Variants in BCAR3 observed in about 807,000 individuals in gnomAD.
The protein encoded by BCAR3 is breast cancer anti-estrogen resistance protein 3.
In BCAR3, 37 loss-of-function variants were observed where a neutral mutation model predicts 80.1. The ratio of observed to expected loss-of-function variants is 0.46; its 90% confidence interval spans 0.36 to 0.61. The LOEUF (loss-of-function observed/expected upper bound fraction) is 0.61, where lower values mean the gene tolerates loss of function less well. Ranked by LOEUF, BCAR3 falls within the 20% of genes least tolerant of loss-of-function variation. The pLI is 0.00. For missense variants in BCAR3, 978 were observed against 1,068.2 expected (o/e 0.92, Z 1.18); for synonymous variants, 389 against 418.9 (o/e 0.93, Z 0.87).
chr1:93,611,426 T>A (rs909185959), intron 3 of BCAR3, among the ~76,000 whole-genome samples: 13 of 152,310 alleles, frequency 8.5e-5, no homozygotes, highest in African/African-American at 2.9e-4. Flanking sequence ...CCATTACAAG[T>A]TTCTTTCCAC....
At chr1:93,718,866 T>C (rs906796649) in intron 2 of BCAR3, among the ~76,000 whole-genome samples, 5 of 151,348 alleles carry the variant, frequency 3.3e-5, no homozygotes, top group African/African-American at 1.2e-4. Context: ...CAGCTAATTT[T>C]TGTATTTTTT....
At chr1:93,584,400 T>G (rs1212895322) in intron 5 of BCAR3, among the ~76,000 whole-genome samples, 2 of 152,172 alleles carry the variant, frequency 1.3e-5, no homozygotes, top group Non-Finnish European at 2.9e-5. Context: ...TCCATCCTGT[T>G]GAACAGAGTA....
chr1:93,694,117 C>A (rs771033554), intron 3 of BCAR3, among the ~76,000 whole-genome samples: 1 of 152,198 alleles, frequency 6.6e-6, no homozygotes, highest in Non-Finnish European at 1.5e-5. Context: ...CTAAAGCCCA[C>A]GTCATTCCCT....
Position 93,817,393 on chromosome 1 carries a change from G to A in BCAR3, c.-63+28174C>T, listed in dbSNP as rs60278482. Among the ~76,000 whole-genome samples, 119 of 152,292 alleles carry A rather than the reference G, an allele frequency of 7.8e-4. 1 individual carries two copies. The highest frequency in any genetic ancestry group is 2.8e-3 in the African/African-American group (117 of 41,572). ...TGGTTTTTGAAAGCTACCATTTATT[G>A]AGCACTGTGCTAAGTATTTTACATG... On this transcript the variant is annotated intron_variant, in intron 2 of 13. Coordinates refer to the BCAR3 transcript ENST00000370244.
chr1:93,576,047 T>C lies in BCAR3; in HGVS notation c.1769A>G (p.His590Arg). ...SSGLELITLP[H>R]GHQLRLDIIE... ...TATGTCCAGGCGCAGCTGGTGTCCG[T>C]GAGGCAAGGTAATGAGTTCCAGGCC... is the stretch of plus-strand genomic sequence containing the variant. Residue 590 changes from histidine (H) to arginine (R), a missense_variant, in exon 8 of 12, where the codon CAC (histidine) becomes CGC (arginine). Transcript: ENST00000260502. 6.2e-7 allele frequency: 1 copy of C among 1,614,136 alleles called. No homozygotes were observed. Among genetic ancestry groups the C allele is most frequent in the Non-Finnish European group, 8.5e-7 (1 of 1,180,016 alleles).
At chr1:93,764,468 C>G (rs1269461754) in intron 2 of BCAR3, among the ~76,000 whole-genome samples, 1 of 152,120 alleles carries the variant, frequency 6.6e-6, no homozygotes, top group Non-Finnish European at 1.5e-5. Context: ...CCACCCCAGC[C>G]CAGGCACCAA....
In BCAR3 at chr1:93,592,721, C is replaced by T. The variant is rs1023817244; in HGVS notation, c.358-328G>A. Among the ~76,000 whole-genome samples the T allele has an allele frequency of 2.6e-5, 4 of 152,152 alleles. No individual in the cohort carries two copies. The highest frequency in any genetic ancestry group is 7.2e-5 in the African/African-American group (3 of 41,422). ...GCAGCCCAGCCTGCTCTCTTCCCAG[C>T]GGAGAGCTTCCTCATTCTCCTTCAG... On this transcript the variant is annotated intron_variant, in intron 3 of 11. Coordinates refer to ENST00000260502, the MANE Select transcript of BCAR3 (RefSeq NM_003567.4). This position sits in a 1 kb window ranked among gnomAD's most constrained non-coding sequence, Gnocchi z 4.8.
chr1:93,786,219 A>AAAAAAAAAAT (rs1557688155), intron 2 of BCAR3, among the ~76,000 whole-genome samples: 3 of 148,780 alleles, frequency 2.0e-5, no homozygotes, highest in Admixed American at 6.7e-5. Flanking sequence ...AAAAAAAAAA[A>AAAAAAAAAAT]GTGCCATGCA....
At chr1:93,605,476 C>T (rs1031714771) in intron 3 of BCAR3, 4 of 152,194 alleles carry the variant, frequency 2.6e-5, no homozygotes, top group African/African-American at 9.7e-5. Context: ...CAAGATTACA[C>T]TCAGTAATAG....
At chr1:93,593,655 G>T (rs531580541) in intron 3 of BCAR3, among the ~76,000 whole-genome samples, 1 of 151,978 alleles carries the variant, frequency 6.6e-6, no homozygotes, top group Non-Finnish European at 1.5e-5. Flanking sequence ...GATTACAGGC[G>T]TGAGCCACCA....
At chr1:93,823,606 G>A (rs917790972) in intron 2 of BCAR3, among the ~76,000 whole-genome samples, 3 of 135,392 alleles carry the variant, frequency 2.2e-5, no homozygotes, top group African/African-American at 7.5e-5. Flanking sequence ...TGCTGTCAGA[G>A]AAGACAGCCC....
intron 2 of BCAR3, among the ~76,000 whole-genome samples, chr1:93,797,711 C>T (rs1653331454): frequency 6.6e-6 from 1 of 151,734 alleles, no homozygotes; most frequent in African/African-American, 2.4e-5. Flanking sequence ...ATGGTATGTA[C>T]AATAAAAATA....
Position 93,562,485 on chromosome 1 carries a change from A to T in BCAR3, c.2300-66T>A, listed in dbSNP as rs1289932608. On this transcript the variant is annotated intron_variant, in intron 11 of 11. Coordinates refer to ENST00000260502, the MANE Select transcript of BCAR3 (RefSeq NM_003567.4). The stretch of plus-strand genomic sequence containing the variant: ...CTAAGATGTGTTAAAAATAGACTGA[A>T]AGCACCAGGCGCGGTGGCTCACGCC... The T allele has an allele frequency of 7.9e-6, 12 of 1,518,148 alleles. No homozygotes were observed. The Admixed American group carries it at 1.8e-4, about 23-fold the overall frequency. The allele number at this position is 1,518,148 out of a possible 1,614,324, so 94.0% of individuals were successfully genotyped here. A position where few individuals can be genotyped will look rare whatever the true frequency, so the allele number is the denominator to read the frequency against.
rs1188738667 is a variant in BCAR3, at chr1:93,589,011, G to A, written c.895C>T (p.Arg299Ter). The change falls in exon 5 of 12, where the codon CGA becomes TGA. Residue 299 changes from arginine to a stop codon, truncating the protein, a stop_gained. Transcript: ENST00000260502. LOFTEE classifies it high-confidence loss of function. ...TTTCCCCTGGGCAAATTCTGCTCTC[G>A]GGCCTGGACGCCACCCATGGTGAGG... ...LSLTMGGVQA[R>*]EQNLPRGNLL... The A allele has an allele frequency of 2.5e-6, 4 of 1,592,488 alleles. No homozygotes were observed. The highest frequency in any genetic ancestry group is 2.6e-6 in the Non-Finnish European group (3 of 1,165,344).
chr1:93,640,508 C>T (rs975530090), intron 3 of BCAR3, among the ~76,000 whole-genome samples: 1 of 152,064 alleles, frequency 6.6e-6, no homozygotes, highest in African/African-American at 2.4e-5. Context: ...GGAAAGGGTA[C>T]CCTTCGGAAT....
In BCAR3 at chr1:93,592,794, T is replaced by C. The variant is rs1674266236; in HGVS notation, c.358-401A>G. 1.3e-5 allele frequency among the ~76,000 whole-genome samples: 2 copies of C among 152,196 alleles called. 1 individual carries two copies. Among genetic ancestry groups the C allele is most frequent in the South Asian group, 4.1e-4 (2 of 4,830 alleles). On this transcript the variant is annotated intron_variant, in intron 3 of 11. Transcript: ENST00000260502. This position sits in a 1 kb window ranked among gnomAD's most constrained non-coding sequence, Gnocchi z 4.8. Reference sequence around the variant, plus strand: ...GAGGGCAGCTGTTCCCTTCTGGCCTTAGATCCTGGGCCTCTGGGCAGTGAG... The same window carrying C: ...GAGGGCAGCTGTTCCCTTCTGGCCTCAGATCCTGGGCCTCTGGGCAGTGAG...
chr1:93,653,618 T>G (rs1647221209), intron 2 of BCAR3, among the ~76,000 whole-genome samples: 1 of 152,172 alleles, frequency 6.6e-6, no homozygotes, highest in Non-Finnish European at 1.5e-5. Context: ...ACAAAGCCCC[T>G]GACTCCAGAG....
At chr1:93,810,825 AG>A (rs1464701071) in intron 2 of BCAR3, among the ~76,000 whole-genome samples, 4 of 152,248 alleles carry the variant, frequency 2.6e-5, no homozygotes, top group African/African-American at 9.6e-5. Context: ...TATGTAGAAC[AG>A]AGCAGTACAC....
intron 2 of BCAR3, among the ~76,000 whole-genome samples, chr1:93,728,007 C>T (rs985613253): frequency 2.0e-5 from 3 of 152,166 alleles, no homozygotes; most frequent in Non-Finnish European, 4.4e-5. Context: ...GTGATGCTGC[C>T]ACAGACTAAG....
Sources: allele counts gnomAD v4.1 joint callset (sites outside exome capture counted in the v4.1 genomes callset), GRCh38; gene constraint gnomAD v4.1.1; non-coding constraint Gnocchi (gnomAD v3.1); transcripts MANE v1.5; gene names NCBI Gene and HGNC (gene_info 2026-07-23, HGNC 2026-07-21).